The following ARAP2 variants were observed in gnomAD, a reference collection of about 807,000 sequenced individuals.
The protein encoded by ARAP2 is arf-GAP with Rho-GAP domain, ANK repeat and PH domain-containing protein 2.
Under a neutral mutation model 194.5 loss-of-function variants are expected in ARAP2, and 148 were observed. That is an observed-to-expected ratio of 0.76 (90% CI 0.67 to 0.87). The LOEUF (loss-of-function observed/expected upper bound fraction) is 0.87, where lower values mean the gene tolerates loss of function less well. Ranked by LOEUF, ARAP2 falls within the 40% of genes least tolerant of loss-of-function variation. The pLI, the probability that ARAP2 is intolerant of heterozygous loss-of-function variation, is 0.00. For synonymous variants in ARAP2, 695 were observed against 683.5 expected, an observed-to-expected ratio of 1.02 and a Z score of -0.26; for missense variants, 2,128 against 1,989.7, an observed-to-expected ratio of 1.07 and a Z score of -1.32.
At chr4:36,178,495 T>C (rs1578182822) in intron 8 of ARAP2, among the ~76,000 whole-genome samples, 1 of 152,214 alleles carries the variant, frequency 6.6e-6, no homozygotes, top group East Asian at 1.9e-4. Context: ...AGAGTATGCC[T>C]GCTTCAGTGT....
chr4:36,126,862 G>A (rs934360132), intron 21 of ARAP2, among the ~76,000 whole-genome samples: 3 of 151,912 alleles, frequency 2.0e-5, no homozygotes, highest in Admixed American at 6.6e-5. Context: ...TAACACGCAG[G>A]GTCTCAGCCC....
chr4:36,218,036 T>A (rs1347537994), intron 2 of ARAP2, among the ~76,000 whole-genome samples: 1 of 151,594 alleles, frequency 6.6e-6, no homozygotes, highest in Admixed American at 6.6e-5. Flanking sequence ...TTTTAAAGAG[T>A]ACAGTGAGAA....
chr4:36,018,377 C>T (rs1325548694), intron 6 of ARAP2, among the ~76,000 whole-genome samples: 2 of 151,428 alleles, frequency 1.3e-5, no homozygotes, highest in African/African-American at 2.4e-5. Flanking sequence ...CTGCACTTGA[C>T]CAACAGCAAT....
chr4:36,197,020 T>G (rs1387767074), intron 6 of ARAP2, among the ~76,000 whole-genome samples: 1 of 151,846 alleles, frequency 6.6e-6, no homozygotes, highest in Non-Finnish European at 1.5e-5. Context: ...CTTTACTTAA[T>G]GACACTAAGC....
chr4:36,019,448 GAA>G (rs1263059349), intron 5 of ARAP2, among the ~76,000 whole-genome samples: 1 of 149,330 alleles, frequency 6.7e-6, no homozygotes, highest in Non-Finnish European at 1.5e-5. Context: ...AAAGACAATA[GAA>G]AACTTACAAA....
Position 36,124,916 on chromosome 4 carries a change from G to A in ARAP2, c.3692C>T (p.Ser1231Phe), listed in dbSNP as rs376590508. The A allele has an allele frequency of 2.9e-5, 47 of 1,610,942 alleles. No homozygotes were observed. The highest frequency in any genetic ancestry group is 3.7e-5 in the Non-Finnish European group (44 of 1,178,146). ...TGTTGCTCGGTTGACCCCTGGAAGA[G>A]AACGTATAAATGCTCCATATTTTTT... The part of the protein sequence containing the change: ...RIKKYGAFIR[S>F]LPGVNRATLA... The change falls in exon 22 of 33, where the codon TCT (serine) becomes TTT (phenylalanine). Residue 1231 changes from serine to phenylalanine, a missense_variant. Physicochemically the swap from Ser to Phe is radical, Grantham distance 155 (BLOSUM62 -2). Transcript: ENST00000303965.
intron 7 of ARAP2, among the ~76,000 whole-genome samples, chr4:36,190,984 G>C (rs1251249877): frequency 6.6e-6 from 1 of 152,206 alleles, no homozygotes; most frequent in Non-Finnish European, 1.5e-5. Context: ...AGAAGAGGAA[G>C]ATAAACTCTT....
intron 8 of ARAP2, among the ~76,000 whole-genome samples, chr4:36,186,955 T>G (rs1322595736): frequency 6.6e-6 from 1 of 152,204 alleles, no homozygotes; most frequent in Non-Finnish European, 1.5e-5. Context: ...ATAAATGTAA[T>G]GTGCTTCAGT....
chr4:36,094,531 T>C (rs1209710377), intron 27 of ARAP2, among the ~76,000 whole-genome samples: 1 of 152,124 alleles, frequency 6.6e-6, no homozygotes, highest in Non-Finnish European at 1.5e-5. Flanking sequence ...AAATGTACTT[T>C]TTCTTACTAT....
intron 6 of ARAP2, among the ~76,000 whole-genome samples, chr4:36,016,487 G>A (rs756935660): frequency 5.4e-5 from 8 of 146,878 alleles, no homozygotes; most frequent in Non-Finnish European, 1.2e-4. Context: ...ATCCTTTATA[G>A]CTCTTGCGTG....
At chr4:36,027,260 A>T (rs1175674191) in intron 5 of ARAP2, among the ~76,000 whole-genome samples, 3 of 152,100 alleles carry the variant, frequency 2.0e-5, no homozygotes, top group African/African-American at 7.2e-5. Flanking sequence ...GTAAAAACTA[A>T]AGCACAGAGA....
At chr4:36,065,580 G>A (rs900912124), downstream of ARAP2, 1 of 207,872 alleles carries the variant, frequency 4.8e-6, no homozygotes, top group Non-Finnish European at 1.0e-5. Context: ...TCCTACAGTG[G>A]ATGCAGCTGA....
chr4:36,072,051 A>C (rs1405689631), intron 32 of ARAP2, among the ~76,000 whole-genome samples: 2 of 152,082 alleles, frequency 1.3e-5, no homozygotes, highest in African/African-American at 4.8e-5. Context: ...ATATTTTTTA[A>C]AATTTTTATA....
intron 1 of ARAP2, among the ~76,000 whole-genome samples, chr4:36,060,288 G>A (rs1724215058): frequency 6.6e-6 from 1 of 152,164 alleles, no homozygotes; most frequent in Non-Finnish European, 1.5e-5. Context: ...TGCTGGAAGA[G>A]TGGCCTTGAT....
At chr4:36,235,777 T>A (rs1270584515) in intron 1 of ARAP2, among the ~76,000 whole-genome samples, 10 of 152,166 alleles carry the variant, frequency 6.6e-5, no homozygotes, top group Admixed American at 2.0e-4. Flanking sequence ...CTCCAATTCA[T>A]CTAACCATTA....
rs146642506 is a variant in ARAP2 at position 36,166,924 on chromosome 4, T to C, written c.1973+8A>G. 1.3e-6 allele frequency: 2 copies of C among 1,546,838 alleles called. No homozygotes were observed. The highest frequency in any genetic ancestry group is 2.8e-5 in the African/African-American group (2 of 72,328). On this transcript the variant is annotated splice_region_variant and intron_variant, in intron 10 of 32. Coordinates refer to ENST00000303965, the MANE Select transcript of ARAP2 (RefSeq NM_015230.4). ...AGTACGAACACAAAATGTTTAAAAA[T>C]AGCTTACCTGAAACTCCTGTAGGGA...
chr4:36,196,363 G>A (rs1743115556), intron 6 of ARAP2, among the ~76,000 whole-genome samples: 1 of 152,276 alleles, frequency 6.6e-6, no homozygotes, highest in African/African-American at 2.4e-5. Flanking sequence ...ATCAGTCGAA[G>A]ATGCAGCATC....
chr4:36,242,407 C>T (rs1434422168), intron 1 of ARAP2, among the ~76,000 whole-genome samples: 3 of 152,164 alleles, frequency 2.0e-5, no homozygotes, highest in African/African-American at 7.2e-5. Flanking sequence ...TTTATAGTCA[C>T]TTTCACCAAA....
At chr4:36,224,604 G>T (rs1749878550) in intron 2 of ARAP2, among the ~76,000 whole-genome samples, 1 of 151,982 alleles carries the variant, frequency 6.6e-6, no homozygotes, top group Non-Finnish European at 1.5e-5. Context: ...AAACAAGATG[G>T]ATTTACAAAA....
Sources: allele counts gnomAD v4.1 joint callset (sites outside exome capture counted in the v4.1 genomes callset), GRCh38; gene constraint gnomAD v4.1.1; transcripts MANE v1.5; gene names NCBI Gene and HGNC (gene_info 2026-07-23, HGNC 2026-07-21).